Variants in AJAP1 observed in about 807,000 individuals in gnomAD.
The protein encoded by AJAP1 is adherens junction-associated protein 1.
AJAP1 carries 5 observed loss-of-function variants against 35.0 expected under a neutral mutation model. That is an observed-to-expected ratio of 0.14 (90% confidence interval 0.07 to 0.30). The LOEUF is 0.30. Ranked by LOEUF, AJAP1 falls within the 10% of genes least tolerant of loss-of-function variation. The probability of loss-of-function intolerance (pLI) is 1.00; values close to 1 mark genes in which losing one functional copy is unlikely to be tolerated. For missense variants in AJAP1, 586 were observed against 571.0 expected (o/e 1.03, Z -0.27); for synonymous variants, 284 against 249.3 (o/e 1.14, Z -1.31).
At chr1:4,756,476 A>G (rs1641435568) in intron 2 of AJAP1, among the ~76,000 whole-genome samples, 1 of 152,138 alleles carries the variant, frequency 6.6e-6, no homozygotes, top group Non-Finnish European at 1.5e-5. Flanking sequence ...TCCTGGGTCA[A>G]TGTCTCCCAA....
intron 2 of AJAP1, among the ~76,000 whole-genome samples, chr1:4,742,755 C>G (rs1422038327): frequency 6.6e-6 from 1 of 152,158 alleles, no homozygotes; most frequent in South Asian, 2.1e-4. Flanking sequence ...GAAACACAAC[C>G]GTTCCCCCAC....
At chr1:4,661,852 A>T (rs1301610236) in intron 1 of AJAP1, among the ~76,000 whole-genome samples, 3 of 152,214 alleles carry the variant, frequency 2.0e-5, no homozygotes, top group Non-Finnish European at 4.4e-5. Context: ...TCATGGGGAG[A>T]TGAAAACCTA....
intron 2 of AJAP1, among the ~76,000 whole-genome samples, chr1:4,727,201 C>G (rs1443020104): frequency 1.3e-5 from 2 of 152,212 alleles, no homozygotes; most frequent in African/African-American, 4.8e-5. Context: ...AACGCTGCAT[C>G]TTTGCAGCCC....
chr1:4,666,690 CAAGAATCGCGGGAGGGGTGCGGAGA>C (rs1194620270), intron 1 of AJAP1, among the ~76,000 whole-genome samples: 1 of 140,264 alleles, frequency 7.1e-6, no homozygotes, highest in African/African-American at 2.7e-5. Flanking sequence ...GAGAGAGGCC[CAAGAATCGCGGGAGGGGTGCGGAGA>C]GGGGCCTGTG....
At chr1:4,754,260 T>G (rs1407744426) in intron 2 of AJAP1, among the ~76,000 whole-genome samples, 2 of 152,204 alleles carry the variant, frequency 1.3e-5, no homozygotes, top group African/African-American at 4.8e-5. Context: ...CATAGCACAC[T>G]CATTTGTTTA....
intron 1 of AJAP1, among the ~76,000 whole-genome samples, chr1:4,676,259 A>G (rs888741944): frequency 7.9e-5 from 12 of 151,806 alleles, no homozygotes; most frequent in African/African-American, 2.2e-4. Context: ...CGCATTCTTT[A>G]TTTTTTTTAA....
Position 4,782,955 on chromosome 1 carries a change from T to C in AJAP1, c.*470T>C, listed in dbSNP as rs1642094079. ...GGGCCCAGCGAATCACGCAGAGAAA[T>C]CTTACAGAAAACAGGGGTGGGAATC... On this transcript the variant is annotated 3_prime_UTR_variant, in exon 6 of 6. Transcript: ENST00000378191. This position sits in a 1 kb window ranked among gnomAD's most constrained non-coding sequence, Gnocchi z 5.3. The C allele has an allele frequency of 2.5e-6, 1 of 397,794 alleles. No homozygotes were observed. The highest frequency in any genetic ancestry group is 1.3e-4 in the South Asian group (1 of 7,542). The allele number at this position is 397,794 out of a possible 1,614,324, so 24.6% of individuals were successfully genotyped here.
intron 1 of AJAP1, among the ~76,000 whole-genome samples, chr1:4,658,498 G>T (rs1048477343): frequency 1.3e-5 from 2 of 152,240 alleles, no homozygotes; most frequent in Non-Finnish European, 2.9e-5. Context: ...TGCGCTCCGG[G>T]TGAATCCTGG....
chr1:4,755,710 A>G (rs1362069009), intron 2 of AJAP1, among the ~76,000 whole-genome samples: 1 of 151,226 alleles, frequency 6.6e-6, no homozygotes, highest in Admixed American at 6.6e-5. Context: ...CATCACAGCA[A>G]GTACAGGGAC....
chr1:4,705,984 T>G (rs1168100973), intron 1 of AJAP1, among the ~76,000 whole-genome samples: 1 of 152,104 alleles, frequency 6.6e-6, no homozygotes, highest in Non-Finnish European at 1.5e-5. Flanking sequence ...TGGAGATGAG[T>G]TCCCAGCAAC....
intron 1 of AJAP1, among the ~76,000 whole-genome samples, chr1:4,675,163 C>T (rs1639336514): frequency 6.6e-6 from 1 of 152,202 alleles, no homozygotes; most frequent in African/African-American, 2.4e-5. Flanking sequence ...GAGTAGTCCA[C>T]AAGACCACTC....
At chr1:4,728,441 G>T (rs563594958) in intron 2 of AJAP1, among the ~76,000 whole-genome samples, 3 of 152,166 alleles carry the variant, frequency 2.0e-5, no homozygotes, top group Non-Finnish European at 4.4e-5. Flanking sequence ...ATGCACCTGC[G>T]TGTTCCCACC....
rs186199328 is a variant in AJAP1, at chr1:4,727,823, G to A, written c.829+15124G>A. On this transcript the variant is annotated intron_variant, in intron 2 of 5. Transcript: ENST00000378191. ...TAGCGGGTGTCCAGGAAGTGAGGGCGGCCCCTGTCCACAGCCATCAAGAGG... is the reference window on the plus strand; with the variant it reads ...TAGCGGGTGTCCAGGAAGTGAGGGCAGCCCCTGTCCACAGCCATCAAGAGG... 2.5e-3 allele frequency among the ~76,000 whole-genome samples: 376 copies of A among 152,306 alleles called. 4 individuals carry two copies. The highest frequency in any genetic ancestry group is 8.5e-3 in the African/African-American group (354 of 41,554).
In AJAP1 at chr1:4,712,053, C is replaced by T. The variant is rs779296700; in HGVS notation, c.183C>T (p.Pro61=). The T allele has an allele frequency of 2.5e-6, 4 of 1,587,128 alleles. No individual in the cohort carries two copies. Among genetic ancestry groups the T allele is most frequent in the Non-Finnish European group, 3.4e-6 (4 of 1,170,702 alleles). Residue 61 remains proline, a synonymous_variant, in exon 2 of 6, where the codon CCC becomes CCT. Transcript: ENST00000378191. ...TGCCGCGGTCGCCGCCCCGGCCGCC[C>T]CGGCTGTGGAGTTTTAGGAGTGGAC... The part of the protein sequence containing the change: ...WLLPRSPPRP[P]RLWSFRSGQP...
chr1:4,694,943 T>TGGAGGAGGAGGCC (rs1553156038), intron 1 of AJAP1, among the ~76,000 whole-genome samples: 1 of 151,972 alleles, frequency 6.6e-6, no homozygotes, highest in Non-Finnish European at 1.5e-5. Context: ...GGATGGAAGC[T>TGGAGGAGGAGGCC]GGAGGAGGGT....
At chr1:4,775,212 C>T (rs1048113475) in intron 5 of AJAP1, among the ~76,000 whole-genome samples, 1 of 152,210 alleles carries the variant, frequency 6.6e-6, no homozygotes, top group African/African-American at 2.4e-5. Flanking sequence ...AAATTGCCTC[C>T]TTCTGTGCTG....
rs567288269 is a variant in AJAP1, at chr1:4,744,964, C to T, written c.830-24889C>T. Among the ~76,000 whole-genome samples, 14 of 152,182 alleles carry T rather than the reference C, an allele frequency of 9.2e-5. No individual in the cohort carries two copies. The South Asian group carries it at 1.7e-3, about 18-fold the overall frequency. On this transcript the variant is annotated intron_variant, in intron 2 of 5. Transcript: ENST00000378191. ...GGGCTGGGAGGCTCCTGAGGGGCCA[C>T]AGGGTCCAGACCTCTCCTATACCTC...
intron 2 of AJAP1, among the ~76,000 whole-genome samples, chr1:4,733,133 C>G (rs1640838844): frequency 6.6e-6 from 1 of 152,110 alleles, no homozygotes; most frequent in Non-Finnish European, 1.5e-5. Context: ...GTGGGCAGCC[C>G]CCACCCCAGA....
In AJAP1 at chr1:4,785,929, G is replaced by A. The variant is rs1028060197; in HGVS notation, c.*3444G>A. ...GCCTTTAAAGCTTAGAAACAGCTGG[G>A]AATGCACTCCTTGTACAGTCCAGTC... On this transcript the variant is annotated 3_prime_UTR_variant, in exon 6 of 6. Transcript: ENST00000378191. The A allele has an allele frequency of 1.3e-5, 2 of 152,170 alleles. No individual in the cohort carries two copies. Among genetic ancestry groups the A allele is most frequent in the Non-Finnish European group, 2.9e-5 (2 of 68,038 alleles). The allele number at this position is 152,170 out of a possible 1,614,324, so 9.4% of individuals were successfully genotyped here.
Sources: allele counts gnomAD v4.1 joint callset (sites outside exome capture counted in the v4.1 genomes callset), GRCh38; gene constraint gnomAD v4.1.1; non-coding constraint Gnocchi (gnomAD v3.1); transcripts MANE v1.5; gene names NCBI Gene and HGNC (gene_info 2026-07-23, HGNC 2026-07-21).